The following SPNS3 variants were observed in gnomAD, a reference collection of about 807,000 sequenced individuals.
SPNS3 encodes the protein protein spinster homolog 3.
SPNS3 carries 51 observed loss-of-function variants against 54.4 expected under a neutral mutation model. That is an observed-to-expected ratio of 0.94 (90% confidence interval 0.75 to 1.18). The LOEUF (loss-of-function observed/expected upper bound fraction) is 1.18. Among genes scored for constraint, SPNS3 ranks in the 50% most tolerant of loss-of-function variants. The pLI, the probability that SPNS3 is intolerant of heterozygous loss-of-function variation, is 0.00. For missense variants in SPNS3, 669 were observed against 677.4 expected (o/e 0.99, Z 0.14); for synonymous variants, 309 against 294.7 (o/e 1.05, Z -0.50).
At chr17:4,481,763 T>C (rs1009628912) in intron 9 of SPNS3, among the ~76,000 whole-genome samples, 1 of 152,178 alleles carries the variant, frequency 6.6e-6, no homozygotes, top group Non-Finnish European at 1.5e-5. Flanking sequence ...GCAACCACCA[T>C]TGACACCCCA....
At chr17:4,478,726 A>G (rs1597342083) in intron 9 of SPNS3, 89 bp downstream of exon 9, 1 of 1,330,778 alleles carries the variant, frequency 7.5e-7, no homozygotes, top group East Asian at 2.5e-5. Flanking sequence ...ACTGGCGGCG[A>G]CATCAGAGAC....
At chr17:4,458,646 TTTCC>T (rs1555530863) in intron 8 of SPNS3, among the ~76,000 whole-genome samples, 2 of 128,188 alleles carry the variant, frequency 1.6e-5, no homozygotes, top group East Asian at 2.2e-4. Flanking sequence ...TCTTTCTTTC[TTTCC>T]TTCCTTCTTT....
In SPNS3 at chr17:4,446,035, C is replaced by A; in HGVS notation, c.403-13C>A. On this transcript the variant is annotated splice_polypyrimidine_tract_variant and intron_variant, in intron 3 of 11. Coordinates refer to ENST00000355530, the MANE Select transcript of SPNS3 (RefSeq NM_182538.5). ...TTCTGGAACTCACCGTGGTCTTGTGCCTGCTCGCCCAGTATTCTTGGCTCT... is the reference window on the plus strand; with the variant it reads ...TTCTGGAACTCACCGTGGTCTTGTGACTGCTCGCCCAGTATTCTTGGCTCT... 6.3e-7 allele frequency: 1 copy of A among 1,594,210 alleles called. No individual in the cohort carries two copies. Among genetic ancestry groups the A allele is most frequent in the South Asian group, 1.1e-5 (1 of 89,412 alleles).
At position 4,480,679 on chromosome 17, in the gene SPNS3, A is replaced by C. The variant is rs1044010188; in HGVS notation, c.1179+2042A>C. Among the ~76,000 whole-genome samples the C allele has an allele frequency of 5.6e-4, 82 of 146,118 alleles. 2 individuals carry two copies. Among genetic ancestry groups the C allele is most frequent in the African/African-American group, 1.9e-3 (77 of 40,182 alleles). On this transcript the variant is annotated intron_variant, in intron 9 of 11. Coordinates refer to ENST00000355530, the MANE Select transcript of SPNS3 (RefSeq NM_182538.5). ...TGTGCTGGAGAGGGCGGGTGGGGGA[A>C]GGGTGGAAGGAGGGTTAGGGGCTGG...
chr17:4,447,509 C>A (rs1444748546), intron 5 of SPNS3, among the ~76,000 whole-genome samples: 1 of 152,188 alleles, frequency 6.6e-6, no homozygotes, highest in African/African-American at 2.4e-5. Flanking sequence ...CCTGGGAGTG[C>A]AGCTTGGTGG....
At chr17:4,485,400 A>C (rs1480262209) in intron 9 of SPNS3, among the ~76,000 whole-genome samples, 1 of 140,472 alleles carries the variant, frequency 7.1e-6, no homozygotes, top group Admixed American at 7.2e-5. Context: ...TATTTTTTTT[A>C]TTTTTTTTTT....
At chr17:4,444,915 C>T (rs1970941837) in intron 2 of SPNS3, 117 bp from the exon 3 acceptor site, 2 of 1,232,882 alleles carry the variant, frequency 1.6e-6, no homozygotes, top group Non-Finnish European at 2.3e-6. Context: ...ACCCTGGGCC[C>T]ACTGCCAAGA....
chr17:4,485,556 C>A (rs2144248378), intron 9 of SPNS3, among the ~76,000 whole-genome samples: 1 of 152,230 alleles, frequency 6.6e-6, no homozygotes, highest in Non-Finnish European at 1.5e-5. Flanking sequence ...TGCCACCACG[C>A]CGGCTAGTTT....
chr17:4,473,256 C>T lies in SPNS3; in HGVS notation c.1114-5316C>T, dbSNP rs543833506. ...TTGACCCAGCTGATCTTGAAGGCTG[C>T]TCCTTGCCCAAACTTCATCATAGCT... On this transcript the variant is annotated intron_variant, in intron 8 of 11. Coordinates refer to ENST00000355530, the MANE Select transcript of SPNS3 (RefSeq NM_182538.5). Among the ~76,000 whole-genome samples the T allele has an allele frequency of 2.0e-5, 3 of 152,254 alleles. No homozygotes were observed. In the South Asian group the frequency reaches 6.2e-4, roughly 32 times the overall value.
intron 7 of SPNS3, among the ~76,000 whole-genome samples, chr17:4,450,254 C>T (rs1168326884): frequency 6.6e-6 from 1 of 151,520 alleles, no homozygotes; most frequent in East Asian, 1.9e-4. Context: ...CCTCCTCCTC[C>T]TCCTTCCTCC....
chr17:4,464,750 G>A (rs1203501369), intron 8 of SPNS3, among the ~76,000 whole-genome samples: 1 of 151,834 alleles, frequency 6.6e-6, no homozygotes, highest in Non-Finnish European at 1.5e-5. Context: ...GCGCAATCTC[G>A]GCTCACTGCA....
chr17:4,469,089 C>G (rs1046582555), intron 8 of SPNS3, among the ~76,000 whole-genome samples: 1 of 151,236 alleles, frequency 6.6e-6, no homozygotes, highest in African/African-American at 2.4e-5. Context: ...CGCCCGGCCT[C>G]GGACCTGTTT....
chr17:4,453,303 T>C (rs1971219803), intron 8 of SPNS3, 98 bp downstream of exon 8: 8 of 1,133,158 alleles, frequency 7.1e-6, no homozygotes, highest in Non-Finnish European at 1.0e-5. Context: ...TGTACAATTA[T>C]GTTGATCACT....
At chr17:4,455,206 G>T (rs1362092707) in intron 8 of SPNS3, among the ~76,000 whole-genome samples, 1 of 152,166 alleles carries the variant, frequency 6.6e-6, no homozygotes, top group South Asian at 2.1e-4. Flanking sequence ...GAGCCATCAC[G>T]CCCAGCCCCA....
At chr17:4,477,390 G>A (rs957963792) in intron 8 of SPNS3, among the ~76,000 whole-genome samples, 9 of 152,220 alleles carry the variant, frequency 5.9e-5, no homozygotes, top group Non-Finnish European at 1.0e-4. Flanking sequence ...AGGTCTCTGG[G>A]TGCCTGAGCC....
At chr17:4,482,922 A>G (rs1972210677) in intron 9 of SPNS3, among the ~76,000 whole-genome samples, 2 of 152,304 alleles carry the variant, frequency 1.3e-5, no homozygotes, top group Middle Eastern at 6.8e-3. Context: ...TTGGGGGGCT[A>G]GAGCAGAAGG....
chr17:4,487,434 C>T (rs1972352884), intron 11 of SPNS3, among the ~76,000 whole-genome samples: 2 of 152,158 alleles, frequency 1.3e-5, no homozygotes, highest in South Asian at 4.1e-4. Flanking sequence ...GATACGGGGC[C>T]AGAGCAGGCA....
In SPNS3 at chr17:4,487,911, C is replaced by T. The variant is rs754754656; in HGVS notation, c.*17C>T. ...GAGCCCTGAGGTCCCTGCCTACACT[C>T]GTCCTGCCTGCAAGCCTCCCGTTGG... On this transcript the variant is annotated 3_prime_UTR_variant, in exon 12 of 12. Coordinates refer to ENST00000355530, the MANE Select transcript of SPNS3 (RefSeq NM_182538.5). 6 of 1,608,584 alleles carry T rather than the reference C, an allele frequency of 3.7e-6. No homozygotes were observed. Among genetic ancestry groups the T allele is most frequent in the East Asian group, 2.2e-5 (1 of 44,898 alleles).
At chr17:4,451,320 C>T (rs545716535) in intron 7 of SPNS3, among the ~76,000 whole-genome samples, 11 of 151,282 alleles carry the variant, frequency 7.3e-5, no homozygotes, top group East Asian at 1.9e-4. Context: ...AGCACGATCT[C>T]GGCTCACTGC....
Sources: gnomAD v4.1 joint callset for allele counts (sites outside exome capture counted in the v4.1 genomes callset) on GRCh38, gnomAD v4.1.1 for gene constraint, MANE v1.5 for transcripts, NCBI Gene and HGNC (gene_info 2026-07-23, HGNC 2026-07-21) for gene names.